Variants in DEDD observed in about 807,000 individuals in gnomAD.
The protein encoded by DEDD is death effector domain-containing protein.
In DEDD, 3 loss-of-function variants were observed where a neutral mutation model predicts 29.2. The ratio of observed to expected loss-of-function variants is 0.10; its 90% CI spans 0.05 to 0.27. The LOEUF is 0.27. Among genes scored for constraint, DEDD ranks in the 10% least tolerant of loss-of-function variants. The pLI is 1.00. For missense variants in DEDD, 261 were observed against 420.5 expected (o/e 0.62, Z 3.32); for synonymous variants, 152 against 161.3 (o/e 0.94, Z 0.44).
At chr1:161,124,595 C>G in intron 2 of DEDD, 69 bp from the exon 3 acceptor site, 2 of 1,451,932 alleles carry the variant, frequency 1.4e-6, no homozygotes, top group Admixed American at 2.7e-5. Context: ...TTCCCATATT[C>G]CCAGTTGCTA....
Position 161,122,204 on chromosome 1 carries a change from GTCC to G in DEDD, c.897_899del (p.Glu299del), listed in dbSNP as rs1262577401. ...GGAGTTTCTGTCGGCCCAGCTCATAGTCCTCCTCGTCTACATTTACCAGCAGCT... is the reference window on the plus strand; with the variant it reads ...GGAGTTTCTGTCGGCCCAGCTCATAGTCCTCGTCTACATTTACCAGCAGCT... On this transcript the variant is annotated inframe_deletion, in exon 6 of 6. Transcript: ENST00000368006. The surrounding 1 kb of genome is among the most constrained non-coding windows in gnomAD (Gnocchi z 4.2). 1 of 1,614,042 alleles carries G rather than the reference GTCC, an allele frequency of 6.2e-7. No homozygotes were observed. Among genetic ancestry groups the G allele is most frequent in the African/African-American group, 1.3e-5 (1 of 74,906 alleles).
rs1333962865 is a variant in DEDD, at chr1:161,124,702, C to T, written c.-64-176G>A. The T allele has an allele frequency of 3.7e-6, 3 of 814,542 alleles. No individual in the cohort carries two copies. In the African/African-American group the frequency reaches 5.2e-5, roughly 14 times the overall value. The allele number at this position is 814,542 out of a possible 1,614,324, so 50.5% of individuals were successfully genotyped here. A position where few individuals can be genotyped will look rare whatever the true frequency, so the allele number is the denominator to read the frequency against. ...ACTGGCCAGGCACAGGGGCTCACAC[C>T]TGTAATCCCAGCATTTTGGGAGGCC... On this transcript the variant is annotated intron_variant, in intron 2 of 5. Transcript: ENST00000368006.
In DEDD at chr1:161,122,791, A is replaced by C. The variant is rs1353579783; in HGVS notation, c.581-268T>G. ...GTTTATAGGAGATATTTTCCTAATT[A>C]CCAGGCATAGAAGTTCATTTTAATA... On this transcript the variant is annotated intron_variant, in intron 5 of 5. Transcript: ENST00000368006. The surrounding 1 kb of genome is among the most constrained non-coding windows in gnomAD (Gnocchi z 4.2). Among the ~76,000 whole-genome samples, 1 of 152,214 alleles carries C rather than the reference A, an allele frequency of 6.6e-6. No individual in the cohort carries two copies. The highest frequency in any genetic ancestry group is 1.5e-5 in the Non-Finnish European group (1 of 68,042).
Position 161,121,839 on chromosome 1 carries a change from C to A in DEDD, c.*308G>T. The A allele has an allele frequency of 3.5e-6, 1 of 281,758 alleles. No homozygotes were observed. Among genetic ancestry groups the A allele is most frequent in the African/African-American group, 2.1e-5 (1 of 47,326 alleles). The allele number at this position is 281,758 out of a possible 1,614,324, so 17.5% of individuals were successfully genotyped here. A position where few individuals can be genotyped will look rare whatever the true frequency, so the allele number is the denominator to read the frequency against. ...CCAAAAAAAAGTGTTCACATCAATC[C>A]CTTACAAAGACTATGTGCTGTAGAC... On this transcript the variant is annotated 3_prime_UTR_variant, in exon 6 of 6. Transcript: ENST00000368006.
intron 4 of DEDD, 82 bp from the exon 5 acceptor site, chr1:161,123,303 CAT>C: frequency 2.2e-6 from 3 of 1,342,608 alleles, no homozygotes; most frequent in Admixed American, 1.9e-5. Context: ...AGGAAGGAAT[CAT>C]TTAGACTTAG....
chr1:161,122,908 A>G lies in DEDD; in HGVS notation c.580+167T>C. On this transcript the variant is annotated intron_variant, in intron 5 of 5. Coordinates refer to ENST00000368006, the MANE Select transcript of DEDD (RefSeq NM_032998.3). This position sits in a 1 kb window ranked among gnomAD's most constrained non-coding sequence, Gnocchi z 4.2. ...AAGAGTTGAAATGTACCCTGCCACA[A>G]TCATAAAGAGCAGTTCTTCCACCAG... is the stretch of plus-strand genomic sequence containing the variant. 1 of 1,292,546 alleles carries G rather than the reference A, an allele frequency of 7.7e-7. No individual in the cohort carries two copies. The highest frequency in any genetic ancestry group is 1.1e-6 in the Non-Finnish European group (1 of 897,200). The allele number at this position is 1,292,546 out of a possible 1,614,324, so 80.1% of individuals were successfully genotyped here.
At chr1:161,127,156 T>A (rs775523084) in intron 2 of DEDD, among the ~76,000 whole-genome samples, 16 of 152,102 alleles carry the variant, frequency 1.1e-4, no homozygotes, top group Admixed American at 3.9e-4. Flanking sequence ...GAACTTAATC[T>A]CCAAGAGATC....
intron 2 of DEDD, among the ~76,000 whole-genome samples, chr1:161,126,682 G>A (rs935781558): frequency 3.3e-5 from 5 of 152,042 alleles, no homozygotes; most frequent in Non-Finnish European, 5.9e-5. Context: ...AGCCTTCTAA[G>A]ATCAGGCCTA....
chr1:161,121,917 A>G lies in DEDD; in HGVS notation c.*230T>C. 3.7e-6 allele frequency: 2 copies of G among 538,780 alleles called. No individual in the cohort carries two copies. Among genetic ancestry groups the G allele is most frequent in the South Asian group, 5.0e-5 (2 of 40,012 alleles). The allele number at this position is 538,780 out of a possible 1,614,324, so 33.4% of individuals were successfully genotyped here. On this transcript the variant is annotated 3_prime_UTR_variant, in exon 6 of 6. Transcript: ENST00000368006. ...CGGCTCAGTGGTAAGGTAGCTGTAG[A>G]GACACATTACGGGGTAAATGGAAAA...
In DEDD at chr1:161,121,901, G is replaced by T. The variant is rs547550296; in HGVS notation, c.*246C>A. 1.8e-5 allele frequency: 9 copies of T among 490,730 alleles called. No individual in the cohort carries two copies. The highest frequency in any genetic ancestry group is 2.2e-5 in the Non-Finnish European group (6 of 274,054). 30.4% of individuals were successfully genotyped at this position (490,730 alleles called of 1,614,324 possible). ...CTATACATTTGTCTTACGGCTCAGT[G>T]GTAAGGTAGCTGTAGAGACACATTA... On this transcript the variant is annotated 3_prime_UTR_variant, in exon 6 of 6. Transcript: ENST00000368006.
At chr1:161,126,385 C>T (rs1367781765) in intron 2 of DEDD, among the ~76,000 whole-genome samples, 3 of 150,584 alleles carry the variant, frequency 2.0e-5, no homozygotes, top group Non-Finnish European at 4.4e-5. Flanking sequence ...ACTCTGTCGC[C>T]CAGGCTGCAG....
At position 161,121,897 on chromosome 1, in the gene DEDD, C is replaced by T. The variant is rs1045270136; in HGVS notation, c.*250G>A. 1.9e-5 allele frequency: 9 copies of T among 468,260 alleles called. No homozygotes were observed. Among genetic ancestry groups the T allele is most frequent in the Non-Finnish European group, 3.4e-5 (9 of 261,318 alleles). The allele number at this position is 468,260 out of a possible 1,614,324, so 29.0% of individuals were successfully genotyped here. ...CTTCCTATACATTTGTCTTACGGCT[C>T]AGTGGTAAGGTAGCTGTAGAGACAC... On this transcript the variant is annotated 3_prime_UTR_variant, in exon 6 of 6. Coordinates refer to ENST00000368006, the MANE Select transcript of DEDD (RefSeq NM_032998.3).
intron 1 of DEDD, chr1:161,131,182 C>G (rs1354868077): frequency 6.6e-6 from 1 of 152,190 alleles, no homozygotes; most frequent in Non-Finnish European, 1.5e-5. Flanking sequence ...ATTCCTTATT[C>G]CTATTTTGTT....
At chr1:161,131,682 A>T (rs950628787) in intron 1 of DEDD, among the ~76,000 whole-genome samples, 7 of 152,136 alleles carry the variant, frequency 4.6e-5, no homozygotes, top group Non-Finnish European at 8.8e-5. Flanking sequence ...AGTCTTTTGG[A>T]AAACAAACCC....
chr1:161,131,902 C>A (rs1203246122), intron 1 of DEDD, among the ~76,000 whole-genome samples: 1 of 152,000 alleles, frequency 6.6e-6, no homozygotes, highest in Non-Finnish European at 1.5e-5. Context: ...TCCCATTCCA[C>A]TCCCCTTCCT....
Position 161,122,322 on chromosome 1 carries a change from C to T in DEDD, c.782G>A (p.Arg261His), listed in dbSNP as rs1655591125. ...SELTYLDAFW[R>H]DYINGSLLEA... The stretch of plus-strand genomic sequence containing the variant: ...TAATAAAGAGCCATTGATGTAGTCA[C>T]GCCAGAATGCATCGAGGTAGGTGAG... Residue 261 changes from arginine to histidine, a missense_variant, in exon 6 of 6, where the codon CGT becomes CAT. Coordinates refer to ENST00000368006, the MANE Select transcript of DEDD (RefSeq NM_032998.3). The surrounding 1 kb of genome is among the most constrained non-coding windows in gnomAD (Gnocchi z 4.2). 1.2e-6 allele frequency: 2 copies of T among 1,614,186 alleles called. No individual in the cohort carries two copies. Among genetic ancestry groups the T allele is most frequent in the Non-Finnish European group, 8.5e-7 (1 of 1,180,040 alleles).
Position 161,122,556 on chromosome 1 carries a change from G to T in DEDD, c.581-33C>A. 6.3e-7 allele frequency: 1 copy of T among 1,593,912 alleles called. No homozygotes were observed. The highest frequency in any genetic ancestry group is 1.1e-5 in the South Asian group (1 of 89,946). On this transcript the variant is annotated intron_variant, in intron 5 of 5. Transcript: ENST00000368006. The surrounding 1 kb of genome is among the most constrained non-coding windows in gnomAD (Gnocchi z 4.2). Reference sequence around the variant, plus strand: ...AAACAGAAGATACAGAGCAGAAGAGGTTACAGTAAGGGATGAGTTTACAAG... The same window carrying T: ...AAACAGAAGATACAGAGCAGAAGAGTTTACAGTAAGGGATGAGTTTACAAG...
chr1:161,126,938 CAG>C (rs1656241837), intron 2 of DEDD, among the ~76,000 whole-genome samples: 1 of 152,144 alleles, frequency 6.6e-6, no homozygotes, highest in Non-Finnish European at 1.5e-5. Flanking sequence ...CACCCCCATG[CAG>C]AGATAAGTAG....
intron 2 of DEDD, among the ~76,000 whole-genome samples, chr1:161,127,413 T>G (rs1218824175): frequency 1.3e-5 from 2 of 152,226 alleles, no homozygotes; most frequent in Admixed American, 1.3e-4. Flanking sequence ...ATAATAAGCT[T>G]CTTTGGAAAA....
Sources: gnomAD v4.1 joint callset for allele counts (sites outside exome capture counted in the v4.1 genomes callset) on GRCh38, gnomAD v4.1.1 for gene constraint, Gnocchi (gnomAD v3.1) non-coding constraint, MANE v1.5 for transcripts, NCBI Gene and HGNC (gene_info 2026-07-23, HGNC 2026-07-21) for gene names.